The following SPTBN1 variants were observed in gnomAD, a reference collection of about 807,000 sequenced individuals.
The protein encoded by SPTBN1 is spectrin beta, non-erythrocytic 1.
In SPTBN1, 32 loss-of-function variants were observed where a neutral mutation model predicts 266.4. That is an observed-to-expected ratio of 0.12 (90% CI 0.09 to 0.16). The LOEUF is 0.16. Ranked by LOEUF, SPTBN1 falls within the 10% of genes least tolerant of loss-of-function variation. The probability of loss-of-function intolerance (pLI) is 1.00; values close to 1 mark genes in which losing one functional copy is unlikely to be tolerated. For synonymous variants in SPTBN1, 1,336 were observed against 1,162.2 expected (o/e 1.15, Z -3.04); for missense variants, 2,296 against 3,067.1 (o/e 0.75, Z 5.94).
chr2:54,578,499 C>T (rs1674643572), intron 2 of SPTBN1, among the ~76,000 whole-genome samples: 1 of 152,164 alleles, frequency 6.6e-6, no homozygotes. Flanking sequence ...TGAAGACTTC[C>T]AGCTGCGATT....
intron 16 of SPTBN1, among the ~76,000 whole-genome samples, chr2:54,632,129 C>G: frequency 6.8e-6 from 1 of 146,892 alleles, no homozygotes; most frequent in East Asian, 2.0e-4. Flanking sequence ...TTTCTTGAGA[C>G]CAGTCTGTCT....
Position 54,653,662 on chromosome 2 carries a change from C to G in SPTBN1, c.5631C>G (p.Asp1877Glu). Reference protein sequence around the residue: ...AARLQAAYAGDKADDIQKREN... With the variant: ...AARLQAAYAGEKADDIQKREN... ...GCCTCCAGGCGGCCTATGCGGGTGA[C>G]AAGGCCGACGATATCCAGAAGCGCG... is the stretch of plus-strand genomic sequence containing the variant. Residue 1877 changes from aspartate (D) to glutamate (E), a missense_variant, in exon 27 of 36, where the codon GAC becomes GAG. By Grantham distance (45) the Asp-to-Glu change is conservative. Coordinates refer to ENST00000356805, the MANE Select transcript of SPTBN1 (RefSeq NM_003128.3). This position sits in a 1 kb window ranked among gnomAD's most constrained non-coding sequence, Gnocchi z 5.1. 6.2e-7 allele frequency: 1 copy of G among 1,614,130 alleles called. No individual in the cohort carries two copies. Among genetic ancestry groups the G allele is most frequent in the Non-Finnish European group, 8.5e-7 (1 of 1,180,020 alleles).
At chr2:54,642,783 T>C (rs1390527753) in intron 18 of SPTBN1, among the ~76,000 whole-genome samples, 200 bp from the exon 19 acceptor site, 1 of 152,330 alleles carries the variant, frequency 6.6e-6, no homozygotes, top group East Asian at 1.9e-4. Context: ...AGATATAGTT[T>C]GGAGCAGAGC....
chr2:54,481,340 G>A (rs1668086720), intron 1 of SPTBN1, among the ~76,000 whole-genome samples: 1 of 151,834 alleles, frequency 6.6e-6, no homozygotes, highest in Non-Finnish European at 1.5e-5. Context: ...TGAAGGGCAT[G>A]GCATGCCTTT....
intron 32 of SPTBN1, chr2:54,662,409 AT>A: frequency 2.4e-6 from 2 of 844,294 alleles, no homozygotes; most frequent in East Asian, 1.2e-4. Context: ...TAAAGAAAAA[AT>A]TTTTGCTGCA....
chr2:54,574,791 C>G (rs1400508370), intron 2 of SPTBN1, among the ~76,000 whole-genome samples: 2 of 152,182 alleles, frequency 1.3e-5, no homozygotes, highest in Non-Finnish European at 2.9e-5. Flanking sequence ...TTAGTTAAAC[C>G]ACTGACTTCT....
At chr2:54,597,301 C>G (rs1048752118) in intron 2 of SPTBN1, among the ~76,000 whole-genome samples, 1 of 152,214 alleles carries the variant, frequency 6.6e-6, no homozygotes, top group Admixed American at 6.5e-5. Flanking sequence ...TCCTGAGTCA[C>G]TGTAGTAAAG....
At position 54,642,973 on chromosome 2, in the gene SPTBN1, C is replaced by T. The variant is rs767356642; in HGVS notation, c.3859-10C>T. ...ATCACAATCTCTGAATCCTTCTGAT[C>T]TTTCTGTAGCTGTCTCTCTGGATCA... On this transcript the variant is annotated splice_polypyrimidine_tract_variant and intron_variant, in intron 18 of 35. Coordinates refer to ENST00000356805, the MANE Select transcript of SPTBN1 (RefSeq NM_003128.3). 7 of 1,609,186 alleles carry T rather than the reference C, an allele frequency of 4.4e-6. No homozygotes were observed. The African/African-American group carries it at 6.7e-5, about 15-fold the overall frequency.
At chr2:54,660,662 A>G in intron 32 of SPTBN1, 2 of 984,736 alleles carry the variant, frequency 2.0e-6, no homozygotes, top group Non-Finnish European at 2.4e-6. Context: ...ACACAATCTC[A>G]TACATTTTGA....
intron 2 of SPTBN1, among the ~76,000 whole-genome samples, chr2:54,585,385 G>T (rs1222722206): frequency 6.6e-6 from 1 of 151,882 alleles, no homozygotes; most frequent in Non-Finnish European, 1.5e-5. Flanking sequence ...TCATCTTGGG[G>T]TTGAATCTGA....
chr2:54,600,139 A>C (rs758246534), intron 3 of SPTBN1, among the ~76,000 whole-genome samples: 1 of 152,216 alleles, frequency 6.6e-6, no homozygotes, highest in Non-Finnish European at 1.5e-5. Flanking sequence ...GTAGCTTGCC[A>C]GCCGCAGTAG....
At chr2:54,630,755 A>G (rs1477189765) in intron 15 of SPTBN1, 100 bp from the exon 16 acceptor site, 7 of 1,380,696 alleles carry the variant, frequency 5.1e-6, no homozygotes, top group Non-Finnish European at 6.7e-6. Flanking sequence ...ACAGATGGAG[A>G]AAACAGATAA....
intron 34 of SPTBN1, 96 bp from the exon 35 acceptor site, chr2:54,667,508 T>C (rs1227665748): frequency 1.2e-5 from 14 of 1,198,384 alleles, no homozygotes; most frequent in South Asian, 9.1e-5. Flanking sequence ...TTGTGACTCC[T>C]GTGGTCTACT....
In SPTBN1 at chr2:54,514,945, A is replaced by G. The variant is rs144089872; in HGVS notation, c.-47-11427A>G. On this transcript the variant is annotated intron_variant, in intron 1 of 35. Transcript: ENST00000356805. ...GGGACTAGATTGCTTTTGTAGGACT[A>G]GCAAATTAACCACAACATTAGAAAA... is the stretch of plus-strand genomic sequence containing the variant. Among the ~76,000 whole-genome samples, 27 of 152,376 alleles carry G rather than the reference A, an allele frequency of 1.8e-4. 1 individual carries two copies. The East Asian group carries it at 5.2e-3, about 29-fold the overall frequency.
chr2:54,501,213 C>T (rs1047859811), intron 1 of SPTBN1, among the ~76,000 whole-genome samples: 24 of 152,134 alleles, frequency 1.6e-4, no homozygotes, highest in African/African-American at 5.6e-4. Flanking sequence ...CCCCTTTACC[C>T]GAGTAGAAAT....
At chr2:54,591,208 A>G (rs1308532524) in intron 2 of SPTBN1, among the ~76,000 whole-genome samples, 2 of 152,204 alleles carry the variant, frequency 1.3e-5, no homozygotes, top group Non-Finnish European at 2.9e-5. Context: ...TGCACTTTGT[A>G]ATATTGGAGC....
intron 2 of SPTBN1, among the ~76,000 whole-genome samples, chr2:54,564,354 T>C (rs1027968065): frequency 1.3e-5 from 2 of 152,170 alleles, no homozygotes; most frequent in African/African-American, 4.8e-5. Flanking sequence ...TTCCATGTCA[T>C]CACCTCTCCT....
At chr2:54,657,299 C>T (rs552959142) in intron 29 of SPTBN1, among the ~76,000 whole-genome samples, 18 of 152,278 alleles carry the variant, frequency 1.2e-4, no homozygotes, top group Non-Finnish European at 2.2e-4. Context: ...CAAAAGAGGG[C>T]GAGTTAAGAA....
intron 1 of SPTBN1, among the ~76,000 whole-genome samples, chr2:54,489,653 C>A (rs891766874): frequency 6.6e-6 from 1 of 152,140 alleles, no homozygotes; most frequent in Admixed American, 6.5e-5. Context: ...GAGCTGAGAT[C>A]GTGCCACTGC....
Sources: allele counts gnomAD v4.1 joint callset (sites outside exome capture counted in the v4.1 genomes callset), GRCh38; gene constraint gnomAD v4.1.1; non-coding constraint Gnocchi (gnomAD v3.1); transcripts MANE v1.5; gene names NCBI Gene and HGNC (gene_info 2026-07-23, HGNC 2026-07-21).